Variants in SYT9 observed in about 807,000 individuals in gnomAD.
SYT9 encodes synaptotagmin 9, also known as synaptotagmin-9.
Under a neutral mutation model 48.4 loss-of-function variants are expected in SYT9, and 22 were observed. That is an observed-to-expected ratio of 0.45 (90% CI 0.32 to 0.65). The LOEUF is 0.65. Among genes scored for constraint, SYT9 ranks in the 30% least tolerant of loss-of-function variants. The probability of loss-of-function intolerance (pLI) is 0.03; values close to 1 mark genes in which losing one functional copy is unlikely to be tolerated. For synonymous variants in SYT9, 265 were observed against 245.0 expected (o/e 1.08, Z -0.76); for missense variants, 577 against 622.0 (o/e 0.93, Z 0.77).
chr11:7,443,269 G>T (rs984498813), intron 6 of SYT9, among the ~76,000 whole-genome samples: 1 of 152,170 alleles, frequency 6.6e-6, no homozygotes, highest in Non-Finnish European at 1.5e-5. Flanking sequence ...GGGAAATGCT[G>T]GTCCCATCCC....
chr11:7,290,732 T>C (rs1848684181), intron 1 of SYT9, among the ~76,000 whole-genome samples: 1 of 152,180 alleles, frequency 6.6e-6, no homozygotes. Context: ...GGAGACACTT[T>C]AGAGATAGAT....
At chr11:7,381,316 C>T (rs928234737) in intron 3 of SYT9, among the ~76,000 whole-genome samples, 14 of 152,190 alleles carry the variant, frequency 9.2e-5, no homozygotes, top group Non-Finnish European at 1.8e-4. Context: ...TATTGGGACA[C>T]AATGATTTTT....
chr11:7,404,391 C>T (rs937000970), intron 3 of SYT9, among the ~76,000 whole-genome samples: 13 of 152,084 alleles, frequency 8.5e-5, no homozygotes, highest in African/African-American at 2.7e-4. Flanking sequence ...TTTTCCTTTT[C>T]GCTGCCTTTT....
At chr11:7,251,219 C>A (rs754011229), upstream of SYT9, among the ~76,000 whole-genome samples, 23 of 151,934 alleles carry the variant, frequency 1.5e-4, no homozygotes, top group Non-Finnish European at 2.9e-4. Flanking sequence ...AGGTTCCTTC[C>A]AACTCTCCAA....
intron 3 of SYT9, among the ~76,000 whole-genome samples, chr11:7,332,241 G>T (rs1849548213): frequency 6.6e-6 from 1 of 152,206 alleles, no homozygotes; most frequent in Non-Finnish European, 1.5e-5. Flanking sequence ...ATCCCACCCT[G>T]AGACGAGGGG....
chr11:7,388,979 A>T (rs1850711634), intron 3 of SYT9, among the ~76,000 whole-genome samples: 1 of 152,168 alleles, frequency 6.6e-6, no homozygotes. Context: ...GTCCAGGAAA[A>T]TATGTGTGAA....
intron 3 of SYT9, among the ~76,000 whole-genome samples, chr11:7,377,699 G>T (rs1267455306): frequency 6.6e-6 from 1 of 152,150 alleles, no homozygotes; most frequent in Non-Finnish European, 1.5e-5. Context: ...TTAATTCCCA[G>T]TCCAGCTCCT....
intron 3 of SYT9, among the ~76,000 whole-genome samples, chr11:7,409,977 A>G (rs1463029970): frequency 6.6e-6 from 1 of 152,080 alleles, no homozygotes; most frequent in Non-Finnish European, 1.5e-5. Flanking sequence ...TGATGTAGGC[A>G]TTTATTGCCT....
chr11:7,315,576 T>C (rs1418907418), intron 3 of SYT9, among the ~76,000 whole-genome samples: 3 of 152,218 alleles, frequency 2.0e-5, no homozygotes, highest in Non-Finnish European at 1.5e-5. Flanking sequence ...CTGGAGAGGT[T>C]ATTAGAAAGT....
chr11:7,256,413 A>T (rs1847971694), intron 1 of SYT9, among the ~76,000 whole-genome samples: 1 of 152,234 alleles, frequency 6.6e-6, no homozygotes, highest in Admixed American at 6.5e-5. Context: ...GGCACATTAA[A>T]GTTCAAGAAC....
intron 3 of SYT9, among the ~76,000 whole-genome samples, chr11:7,392,262 T>C (rs145566251): frequency 5.7e-4 from 87 of 152,262 alleles, no homozygotes; most frequent in Middle Eastern, 3.4e-3. Flanking sequence ...ATCTTTAATA[T>C]ATTTTGAGTT....
intron 3 of SYT9, among the ~76,000 whole-genome samples, chr11:7,386,842 T>G: frequency 6.6e-6 from 1 of 152,198 alleles, no homozygotes; most frequent in Non-Finnish European, 1.5e-5. Flanking sequence ...TAAAGACACA[T>G]GTACACGTAT....
At chr11:7,378,584 G>A (rs886226368) in intron 3 of SYT9, among the ~76,000 whole-genome samples, 2 of 151,652 alleles carry the variant, frequency 1.3e-5, no homozygotes, top group African/African-American at 2.4e-5. Context: ...AGAGGGATGA[G>A]GGAGGTGCAT....
chr11:7,370,399 A>T (rs997125419), intron 3 of SYT9, among the ~76,000 whole-genome samples: 4 of 152,146 alleles, frequency 2.6e-5, no homozygotes, highest in Non-Finnish European at 4.4e-5. Flanking sequence ...TATGCAATGT[A>T]TAGGGATTTA....
chr11:7,256,230 A>G (rs1847966762), intron 1 of SYT9, among the ~76,000 whole-genome samples: 2 of 152,170 alleles, frequency 1.3e-5, no homozygotes, highest in African/African-American at 4.8e-5. Flanking sequence ...TGTCTGTGCC[A>G]AGCACTTTAT....
At chr11:7,286,970 G>A (rs1848607170) in intron 1 of SYT9, among the ~76,000 whole-genome samples, 1 of 152,150 alleles carries the variant, frequency 6.6e-6, no homozygotes, top group Non-Finnish European at 1.5e-5. Flanking sequence ...ACTGCTGCCT[G>A]TTACCCAGTT....
At chr11:7,303,730 T>A (rs1275403154) in intron 2 of SYT9, among the ~76,000 whole-genome samples, 1 of 152,188 alleles carries the variant, frequency 6.6e-6, no homozygotes, top group Non-Finnish European at 1.5e-5. Flanking sequence ...TTAAATTTTT[T>A]AAAAAGCTGT....
chr11:7,336,208 T>G (rs752874232), intron 3 of SYT9, among the ~76,000 whole-genome samples: 1 of 152,202 alleles, frequency 6.6e-6, no homozygotes, highest in African/African-American at 2.4e-5. Flanking sequence ...TCTTGAAAAT[T>G]TGTTTACATT....
At chr11:7,462,340 G>A (rs1250220970) in intron 6 of SYT9, among the ~76,000 whole-genome samples, 2 of 151,798 alleles carry the variant, frequency 1.3e-5, no homozygotes, top group African/African-American at 4.9e-5. Context: ...TAGTGCTTAA[G>A]CACTCAATAA....
Sources: allele counts gnomAD v4.1 joint callset (sites outside exome capture counted in the v4.1 genomes callset), GRCh38; gene constraint gnomAD v4.1.1; transcripts MANE v1.5; gene names NCBI Gene and HGNC (gene_info 2026-07-23, HGNC 2026-07-21).